The following DOCK3 variants were observed in gnomAD, a reference collection of about 807,000 sequenced individuals.
DOCK3 encodes dedicator of cytokinesis 3.
A neutral mutation model predicts 265.6 loss-of-function variants in DOCK3; 60 were observed. The observed-to-expected ratio is 0.23, with a 90% CI of 0.18 to 0.28. The LOEUF (loss-of-function observed/expected upper bound fraction) is 0.28, where lower values mean the gene tolerates loss of function less well. DOCK3 is among the 10% of genes least tolerant of loss of function. DOCK3 has a pLI of 1.00. For synonymous variants in DOCK3, 881 were observed against 938.0 expected (o/e 0.94, Z 1.11); for missense variants, 1,981 against 2,594.3 (o/e 0.76, Z 5.14).
intron 2 of DOCK3, among the ~76,000 whole-genome samples, chr3:50,834,011 C>G (rs2045355292): frequency 6.6e-6 from 1 of 151,896 alleles, no homozygotes; most frequent in South Asian, 2.1e-4. Flanking sequence ...AAGGGATCAG[C>G]AACATTTTAA....
chr3:51,188,332 A>G (rs2087737604), intron 12 of DOCK3, among the ~76,000 whole-genome samples: 1 of 152,202 alleles, frequency 6.6e-6, no homozygotes, highest in African/African-American at 2.4e-5. Context: ...AAGACAGCAT[A>G]GGTTAAACAT....
chr3:51,127,103 C>T (rs1328991466), intron 9 of DOCK3, among the ~76,000 whole-genome samples: 1 of 152,116 alleles, frequency 6.6e-6, no homozygotes, highest in Non-Finnish European at 1.5e-5. Context: ...AGGAGGCATC[C>T]AGCTTGGGAG....
At chr3:51,010,321 A>G (rs1056466163) in intron 5 of DOCK3, among the ~76,000 whole-genome samples, 4 of 152,178 alleles carry the variant, frequency 2.6e-5, no homozygotes, top group Non-Finnish European at 4.4e-5. Context: ...GTGCATATAC[A>G]TTTAGGATAT....
chr3:50,742,456 T>C (rs1380363215), intron 1 of DOCK3, among the ~76,000 whole-genome samples: 1 of 150,472 alleles, frequency 6.6e-6, no homozygotes, highest in African/African-American at 2.4e-5. Flanking sequence ...GAAAAAAATT[T>C]AGACGAATGT....
At chr3:50,787,905 T>C (rs565493933) in intron 2 of DOCK3, 77 of 1,035,940 alleles carry the variant, frequency 7.4e-5, no homozygotes, top group Non-Finnish European at 1.0e-4. Flanking sequence ...AATGTTTGAT[T>C]ATTAAGGTTT....
chr3:50,872,406 G>C (rs1330994321), intron 3 of DOCK3, among the ~76,000 whole-genome samples: 1 of 152,194 alleles, frequency 6.6e-6, no homozygotes, highest in Non-Finnish European at 1.5e-5. Flanking sequence ...CTCTCTCTCT[G>C]TTTCGAGTCA....
rs575271307 is a variant in DOCK3 at position 51,205,868 on chromosome 3, G to A, written c.1038-2906G>A. 2.3e-3 allele frequency among the ~76,000 whole-genome samples: 355 copies of A among 152,254 alleles called. 1 individual carries two copies. Among genetic ancestry groups the A allele is most frequent in the Admixed American group, 4.1e-3 (63 of 15,292 alleles). On this transcript the variant is annotated intron_variant, in intron 12 of 52. Coordinates refer to ENST00000266037, the MANE Select transcript of DOCK3 (RefSeq NM_004947.5). ...TCTGCAAAGCTAAATGTTTTTTATA[G>A]CCAGTCATGAGTAGACTGCAAAATT...
intron 5 of DOCK3, among the ~76,000 whole-genome samples, chr3:51,044,633 G>T (rs749544239): frequency 1.3e-5 from 2 of 150,066 alleles, no homozygotes; most frequent in Non-Finnish European, 3.0e-5. Context: ...ATAGAAGGCC[G>T]TTTTGTCTTT....
intron 21 of DOCK3, among the ~76,000 whole-genome samples, chr3:51,238,628 G>C (rs950827392): frequency 3.9e-5 from 6 of 151,946 alleles, no homozygotes; most frequent in African/African-American, 1.5e-4. Context: ...CCCTCCGATA[G>C]GCCTCGGTGT....
chr3:51,379,815 G>T (rs2088472415), intron 51 of DOCK3, among the ~76,000 whole-genome samples: 1 of 152,262 alleles, frequency 6.6e-6, no homozygotes, highest in Non-Finnish European at 1.5e-5. Flanking sequence ...AATTGACTGT[G>T]CCAGGCACAC....
intron 5 of DOCK3, among the ~76,000 whole-genome samples, chr3:50,957,594 T>G (rs13097744): frequency 0.033 from 5,001 of 152,328 alleles, 142 homozygotes; most frequent in Non-Finnish European, 0.05. Context: ...AACAAAACTT[T>G]GTTAAAGTAG....
chr3:51,079,504 T>C (rs1408570783), intron 7 of DOCK3, among the ~76,000 whole-genome samples: 1 of 152,022 alleles, frequency 6.6e-6, no homozygotes. Context: ...AGCTAATTTT[T>C]ATTTTATTAT....
At chr3:51,036,740 C>T (rs953594117) in intron 5 of DOCK3, among the ~76,000 whole-genome samples, 1 of 151,934 alleles carries the variant, frequency 6.6e-6, no homozygotes, top group African/African-American at 2.4e-5. Flanking sequence ...ATGCAAATCT[C>T]ATCTTGAATT....
intron 2 of DOCK3, among the ~76,000 whole-genome samples, chr3:50,806,610 C>T (rs1003424038): frequency 2.0e-5 from 3 of 151,730 alleles, no homozygotes; most frequent in African/African-American, 4.8e-5. Context: ...AGTGTAGCAG[C>T]GGGGGTTGGT....
At position 51,143,012 on chromosome 3, in the gene DOCK3, G is replaced by A. The variant is rs1400967721; in HGVS notation, c.747-3537G>A. Among the ~76,000 whole-genome samples the A allele has an allele frequency of 2.6e-5, 4 of 151,758 alleles. No homozygotes were observed. In the East Asian group the frequency reaches 7.8e-4, roughly 29 times the overall value. On this transcript the variant is annotated intron_variant, in intron 9 of 52. Transcript: ENST00000266037. The stretch of plus-strand genomic sequence containing the variant: ...AGTGATTCTCCTGCCTCAGCCTCCC[G>A]AGCAGCTAGGATTACAGGCACAGGC...
intron 27 of DOCK3, among the ~76,000 whole-genome samples, chr3:51,298,719 A>G (rs1449341172): frequency 1.3e-5 from 2 of 152,184 alleles, no homozygotes; most frequent in African/African-American, 2.4e-5. Flanking sequence ...AGCTCCATCC[A>G]TGTCCCTGCA....
chr3:51,337,127 G>T (rs2084925316), intron 35 of DOCK3, among the ~76,000 whole-genome samples: 1 of 152,170 alleles, frequency 6.6e-6, no homozygotes, highest in Non-Finnish European at 1.5e-5. Context: ...GTGCTGATAG[G>T]TCAAACCCCC....
At chr3:50,907,453 T>C (rs1362409133) in intron 4 of DOCK3, among the ~76,000 whole-genome samples, 1 of 152,170 alleles carries the variant, frequency 6.6e-6, no homozygotes, top group African/African-American at 2.4e-5. Flanking sequence ...TGGGTGCATA[T>C]ATGCTTAGGA....
At chr3:51,337,963 T>C (rs544791765) in intron 35 of DOCK3, among the ~76,000 whole-genome samples, 1 of 152,364 alleles carries the variant, frequency 6.6e-6, no homozygotes, top group Non-Finnish European at 1.5e-5. Flanking sequence ...TCTTGGCTTC[T>C]ATTCAGCACT....
Sources: gnomAD v4.1 joint callset for allele counts (sites outside exome capture counted in the v4.1 genomes callset) on GRCh38, gnomAD v4.1.1 for gene constraint, MANE v1.5 for transcripts, NCBI Gene and HGNC (gene_info 2026-07-23, HGNC 2026-07-21) for gene names.